LIFR: variants seen among roughly 807,000 people sequenced by gnomAD.
The protein encoded by LIFR is LIF receptor subunit alpha.
In LIFR, 84 loss-of-function variants were observed where a neutral mutation model predicts 122.2. That is an observed-to-expected ratio of 0.69 (90% CI 0.58 to 0.82). The LOEUF is 0.82. Ranked by LOEUF, LIFR falls within the 40% of genes least tolerant of loss-of-function variation. The probability of loss-of-function intolerance (pLI) is 0.00; values close to 1 mark genes in which losing one functional copy is unlikely to be tolerated. For missense variants in LIFR, 1,294 were observed against 1,311.6 expected (o/e 0.99, Z 0.21); for synonymous variants, 422 against 434.7 (o/e 0.97, Z 0.36).
chr5:38,505,434 ACACACACACAC>A (rs1405721575), intron 9 of LIFR, among the ~76,000 whole-genome samples: 2 of 151,754 alleles, frequency 1.3e-5, no homozygotes, highest in Admixed American at 1.3e-4. Context: ...ACACACACAC[ACACACACACAC>A]GAGTACAAAT....
rs147976394 is a variant in LIFR at position 38,590,134 on chromosome 5, A to G, written c.-20+5127T>C. ...TATTTTCTCTTCCTCTCCTGAATACAGAAATATAGGCTTTGATCATTTACA... is the reference window on the plus strand; with the variant it reads ...TATTTTCTCTTCCTCTCCTGAATACGGAAATATAGGCTTTGATCATTTACA... On this transcript the variant is annotated intron_variant, in intron 1 of 19. Transcript: ENST00000263409. Among the ~76,000 whole-genome samples the G allele has an allele frequency of 1.4e-3, 211 of 152,366 alleles. 3 individuals carry two copies. The East Asian group carries it at 0.029, about 21-fold the overall frequency.
At chr5:38,560,398 A>G (rs1190243524), upstream of LIFR, among the ~76,000 whole-genome samples, 1 of 152,148 alleles carries the variant, frequency 6.6e-6, no homozygotes, top group Non-Finnish European at 1.5e-5. Context: ...TTCTTTACCC[A>G]AAGTGGTTTG....
chr5:38,592,053 A>G lies in LIFR; in HGVS notation c.-20+3208T>C, dbSNP rs73749292. Among the ~76,000 whole-genome samples, 105 of 152,180 alleles carry G rather than the reference A, an allele frequency of 6.9e-4. No homozygotes were observed. The East Asian group carries it at 0.012, about 18-fold the overall frequency. ...ATCCATAGTTCCTTAACTCCACTCC[A>G]TGCTGACTCTTGGACTTAAACTCTT... On this transcript the variant is annotated intron_variant, in intron 1 of 19. Coordinates refer to the LIFR transcript ENST00000263409.
intron 1 of LIFR, among the ~76,000 whole-genome samples, chr5:38,538,320 TAATTACTTCC>T (rs1580142398): frequency 1.3e-5 from 2 of 152,326 alleles, no homozygotes; most frequent in South Asian, 2.1e-4. Flanking sequence ...ACTTGTATGC[TAATTACTTCC>T]AAATCCGTGT....
At chr5:38,559,992 T>C (rs953159066), upstream of LIFR, among the ~76,000 whole-genome samples, 26 of 152,246 alleles carry the variant, frequency 1.7e-4, no homozygotes, top group Non-Finnish European at 3.1e-4. Context: ...TGAAACGCTT[T>C]GTTTTTTGAA....
intron 1 of LIFR, among the ~76,000 whole-genome samples, chr5:38,571,849 T>G (rs1239465586): frequency 1.3e-5 from 2 of 152,196 alleles, no homozygotes; most frequent in Non-Finnish European, 2.9e-5. Context: ...AAGAGAGGCC[T>G]AAAACATTTG....
At chr5:38,596,354 A>C (rs992428139), upstream of LIFR, among the ~76,000 whole-genome samples, 10 of 152,130 alleles carry the variant, frequency 6.6e-5, no homozygotes, top group Non-Finnish European at 1.2e-4. Context: ...TCTTGTGTAC[A>C]CCGAAGTTTG....
intron 5 of LIFR, among the ~76,000 whole-genome samples, chr5:38,522,792 CTG>C (rs1021680672): frequency 6.6e-6 from 1 of 152,170 alleles, no homozygotes; most frequent in Non-Finnish European, 1.5e-5. Flanking sequence ...AACAAATAAA[CTG>C]TAAAATCATG....
At chr5:38,597,687 C>G (rs889335626), upstream of LIFR, among the ~76,000 whole-genome samples, 10 of 152,162 alleles carry the variant, frequency 6.6e-5, no homozygotes, top group African/African-American at 2.4e-4. Context: ...GCCCCAAATG[C>G]AGAGGTTGAG....
At chr5:38,581,466 A>G (rs1749580564) in intron 1 of LIFR, among the ~76,000 whole-genome samples, 1 of 152,112 alleles carries the variant, frequency 6.6e-6, no homozygotes, top group Non-Finnish European at 1.5e-5. Context: ...TTCAGTGACT[A>G]TTTTTGTGTT....
rs1272226891 is a variant in LIFR, at chr5:38,530,516, G to A, written c.132C>T (p.Ser44=). Reference sequence around the variant, plus strand: ...GGCTGATGCACTTACCCTTTTTCTGGCTATTTACTTGATTCATTAGATATA... The same window carrying A: ...GGCTGATGCACTTACCCTTTTTCTGACTATTTACTTGATTCATTAGATATA... The part of the protein sequence containing the change: ...ILLYLMNQVN[S]QKKGAPHDLK... The change falls in exon 2 of 20, where the codon AGC becomes AGT. Residue 44 remains serine (S), a synonymous_variant. Transcript: ENST00000453190. 6.2e-7 allele frequency: 1 copy of A among 1,612,060 alleles called. No homozygotes were observed. The highest frequency in any genetic ancestry group is 8.5e-7 in the Non-Finnish European group (1 of 1,178,264).
At chr5:38,536,928 G>A (rs1173719649) in intron 1 of LIFR, among the ~76,000 whole-genome samples, 2 of 151,940 alleles carry the variant, frequency 1.3e-5, no homozygotes, top group African/African-American at 4.8e-5. Flanking sequence ...ATAACTTTTT[G>A]GTCTATTATT....
In LIFR at chr5:38,497,804, T is replaced by C. The variant is rs1193103766; in HGVS notation, c.1672-1209A>G. ...TATACGCTTGTCCATAATACAGTTA[T>C]ATACATTTTCATGGTTTTATGTCTT... On this transcript the variant is annotated intron_variant, in intron 12 of 19. Transcript: ENST00000453190. 3.9e-5 allele frequency among the ~76,000 whole-genome samples: 6 copies of C among 152,342 alleles called. No homozygotes were observed. In the East Asian group the frequency reaches 9.6e-4, roughly 24 times the overall value.
chr5:38,596,179 A>G (rs918050985), upstream of LIFR, among the ~76,000 whole-genome samples: 1 of 152,172 alleles, frequency 6.6e-6, no homozygotes, highest in Non-Finnish European at 1.5e-5. Flanking sequence ...ACTCCTTTAT[A>G]TATAGGCCAA....
chr5:38,529,396 A>G (rs571480878), intron 2 of LIFR, among the ~76,000 whole-genome samples: 1 of 152,194 alleles, frequency 6.6e-6, no homozygotes, highest in African/African-American at 2.4e-5. Flanking sequence ...CCTTGGTAGA[A>G]CTCCCATAAC....
At chr5:38,531,727 G>A (rs1318394016) in intron 1 of LIFR, among the ~76,000 whole-genome samples, 1 of 152,064 alleles carries the variant, frequency 6.6e-6, no homozygotes, top group African/African-American at 2.4e-5. Context: ...ACTTGATAAA[G>A]GAAAGGAGAT....
chr5:38,531,105 T>C (rs1746984312), intron 1 of LIFR, among the ~76,000 whole-genome samples: 2 of 152,252 alleles, frequency 1.3e-5, no homozygotes, highest in Admixed American at 6.5e-5. Flanking sequence ...ATATTAGTTT[T>C]GTCTCCCATT....
chr5:38,491,111 C>A (rs1302516544), intron 14 of LIFR, among the ~76,000 whole-genome samples: 3 of 152,160 alleles, frequency 2.0e-5, no homozygotes, highest in Non-Finnish European at 4.4e-5. Context: ...GAGTTTATTC[C>A]TCTTTATAAC....
chr5:38,597,929 A>G (rs1234593973), upstream of LIFR, among the ~76,000 whole-genome samples: 2 of 152,146 alleles, frequency 1.3e-5, no homozygotes, highest in Non-Finnish European at 2.9e-5. Context: ...GTGCATAAGG[A>G]CATAGACAGC....
Sources: gnomAD v4.1 joint callset for allele counts (sites outside exome capture counted in the v4.1 genomes callset) on GRCh38, gnomAD v4.1.1 for gene constraint, MANE v1.5 for transcripts, NCBI Gene and HGNC (gene_info 2026-07-23, HGNC 2026-07-21) for gene names.